The following FLYWCH1 variants were observed in gnomAD, a reference collection of about 807,000 sequenced individuals.
FLYWCH1 encodes FLYWCH-type zinc finger 1, also known as FLYWCH-type zinc finger-containing protein 1.
Under a neutral mutation model 66.4 loss-of-function variants are expected in FLYWCH1, and 75 were observed. That is an observed-to-expected ratio of 1.13 (90% CI 0.94 to 1.37). The LOEUF (loss-of-function observed/expected upper bound fraction) is 1.37, where lower values mean the gene tolerates loss of function less well. FLYWCH1 is among the 40% of genes most tolerant of loss of function. FLYWCH1 has a pLI of 0.00. For synonymous variants in FLYWCH1, 595 were observed against 429.9 expected (o/e 1.38, Z -4.75); for missense variants, 1,334 against 1,001.8 (o/e 1.33, Z -4.48).
rs1362734574 is a variant in FLYWCH1, at chr16:2,941,771, C to CCAGCA, written c.2111+1682_2111+1686dup. Among the ~76,000 whole-genome samples, 5 of 151,274 alleles carry CCAGCA rather than the reference C, an allele frequency of 3.3e-5. No homozygotes were observed. The South Asian group carries it at 8.4e-4, about 25-fold the overall frequency. On this transcript the variant is annotated intron_variant, in intron 9 of 9. Transcript: ENST00000253928. ...GGCGTGGTGGCTCACACCTGTAATC[C>CCAGCA]CAGCACACTGGGAGACCGAGGGAGG...
rs2070893824 is a variant in FLYWCH1 at position 2,934,061 on chromosome 16, C to A, written c.1513+82C>A. The stretch of plus-strand genomic sequence containing the variant: ...GCCTTTCCCTCTCCATGCTGCGGCT[C>A]CCCCTGGCAAACGTCCTCTTCCCTT... On this transcript the variant is annotated intron_variant, in intron 6 of 9. Transcript: ENST00000253928. 1.1e-5 allele frequency: 15 copies of A among 1,408,334 alleles called. 1 individual carries two copies. The South Asian group carries it at 2.0e-4, about 19-fold the overall frequency. The allele number at this position is 1,408,334 out of a possible 1,614,324, so 87.2% of individuals were successfully genotyped here. A position where few individuals can be genotyped will look rare whatever the true frequency, so the allele number is the denominator to read the frequency against.
At chr16:2,927,331 C>T (rs1017022880) in intron 2 of FLYWCH1, among the ~76,000 whole-genome samples, 12 of 152,144 alleles carry the variant, frequency 7.9e-5, no homozygotes, top group African/African-American at 2.2e-4. Context: ...CAATCGGTAC[C>T]GGCCGGGGAA....
chr16:2,932,441 G>A (rs545530869), intron 4 of FLYWCH1, among the ~76,000 whole-genome samples: 18 of 152,188 alleles, frequency 1.2e-4, no homozygotes, highest in Middle Eastern at 3.4e-3. Context: ...AACCTGGATT[G>A]TTGTGTAAAT....
chr16:2,918,147 C>CTTT (rs35609623), intron 2 of FLYWCH1, among the ~76,000 whole-genome samples: 5,682 of 103,642 alleles, frequency 0.055, 253 homozygotes, highest in Non-Finnish European at 0.08. Context: ...CCTTGGATTC[C>CTTT]TTTTTTTTTT....
Position 2,933,484 on chromosome 16 carries a change from C to G in FLYWCH1, c.1151C>G (p.Thr384Ser), listed in dbSNP as rs368898949. ...YRRGPGPLTL[T>S]RPRPRKRAKV... ...AGGGGTCCGGGTCCCCTGACTCTCA[C>G]CAGGCCTCGGCCCAGAAAGCGAGCA... Residue 384 changes from threonine (T) to serine (S), a missense_variant, in exon 5 of 10, where the codon ACC becomes AGC. Transcript: ENST00000253928. 6.2e-7 allele frequency: 1 copy of G among 1,606,860 alleles called. No individual in the cohort carries two copies. Among genetic ancestry groups the G allele is most frequent in the Non-Finnish European group, 8.5e-7 (1 of 1,177,194 alleles).
intron 9 of FLYWCH1, among the ~76,000 whole-genome samples, chr16:2,944,894 C>G (rs542538598): frequency 2.6e-5 from 4 of 151,834 alleles, no homozygotes; most frequent in Non-Finnish European, 5.9e-5. Context: ...TGGAGGTATC[C>G]AAAAGAAGGC....
At chr16:2,945,354 C>T (rs988177057) in intron 9 of FLYWCH1, among the ~76,000 whole-genome samples, 2 of 151,936 alleles carry the variant, frequency 1.3e-5, no homozygotes, top group South Asian at 2.1e-4. Flanking sequence ...GGCGTGGTGG[C>T]GTGTGCCTGT....
intron 2 of FLYWCH1, among the ~76,000 whole-genome samples, chr16:2,919,473 C>T (rs936512331): frequency 6.6e-6 from 1 of 151,890 alleles, no homozygotes; most frequent in Non-Finnish European, 1.5e-5. Flanking sequence ...ACCATGTTTG[C>T]CAGGATGGTT....
intron 4 of FLYWCH1, 117 bp from the exon 5 acceptor site, chr16:2,933,013 G>A (rs902122064): frequency 4.4e-6 from 4 of 905,496 alleles, no homozygotes; most frequent in Non-Finnish European, 6.6e-6. Flanking sequence ...AGGAAGCCAG[G>A]GTAAATTTCA....
intron 9 of FLYWCH1, 182 bp downstream of exon 9, chr16:2,940,274 C>T (rs1293247170): frequency 1.1e-5 from 6 of 531,052 alleles, no homozygotes; most frequent in Admixed American, 6.7e-5. Flanking sequence ...CATCTGAAGG[C>T]CCAAGTGAGG....
chr16:2,930,735 G>T lies in FLYWCH1; in HGVS notation c.651G>T (p.Glu217Asp). The stretch of plus-strand genomic sequence containing the variant: ...GAGGCCGAGTGGAGGAGCCCCTGGA[G>T]GGGGTGGGCCCGTGGCAGTGCCCTG... The part of the protein sequence containing the change: ...GPGGRVEEPL[E>D]GVGPWQCPEE... Residue 217 changes from glutamate to aspartate, a missense_variant, in exon 4 of 10, where the codon GAG becomes GAT. Transcript: ENST00000253928. 1 of 1,554,374 alleles carries T rather than the reference G, an allele frequency of 6.4e-7. No homozygotes were observed. Among genetic ancestry groups the T allele is most frequent in the Non-Finnish European group, 8.7e-7 (1 of 1,154,352 alleles).
intron 8 of FLYWCH1, among the ~76,000 whole-genome samples, chr16:2,939,124 T>A (rs1431411297): frequency 6.6e-6 from 1 of 152,086 alleles, no homozygotes; most frequent in African/African-American, 2.4e-5. Flanking sequence ...CATGTGAATA[T>A]TAAGGGCCAT....
chr16:2,919,923 A>T (rs1051536735), intron 2 of FLYWCH1, among the ~76,000 whole-genome samples: 5 of 152,034 alleles, frequency 3.3e-5, no homozygotes, highest in Non-Finnish European at 5.9e-5. Flanking sequence ...GCCTTATGTA[A>T]TGGTCCTTTG....
chr16:2,933,116 G>T lies in FLYWCH1; in HGVS notation c.797-14G>T. Reference sequence around the variant, plus strand: ...CCACCCCTGGTGATGTGACCACTTGGGTCTCTCCTCTAGGACAGGCCCGGC... The same window carrying T: ...CCACCCCTGGTGATGTGACCACTTGTGTCTCTCCTCTAGGACAGGCCCGGC... On this transcript the variant is annotated splice_polypyrimidine_tract_variant and intron_variant, in intron 4 of 9. Transcript: ENST00000253928. 1 of 1,607,150 alleles carries T rather than the reference G, an allele frequency of 6.2e-7. No homozygotes were observed. Among genetic ancestry groups the T allele is most frequent in the South Asian group, 1.1e-5 (1 of 89,958 alleles).
Position 2,933,550 on chromosome 16 carries a change from C to T in FLYWCH1, c.1217C>T (p.Pro406Leu). 3 of 1,605,362 alleles carry T rather than the reference C, an allele frequency of 1.9e-6. No homozygotes were observed. The South Asian group carries it at 3.3e-5, about 18-fold the overall frequency. Reference sequence around the variant, plus strand: ...GAGCTGCCAACCCAGCCCGAGGCCCCAGACGAGCACCAGGACATGGACGCA... The same window carrying T: ...GAGCTGCCAACCCAGCCCGAGGCCCTAGACGAGCACCAGGACATGGACGCA... ...DQELPTQPEA[P>L]DEHQDMDADP... The change falls in exon 5 of 10, where the codon CCA becomes CTA. Residue 406 changes from proline to leucine, a missense_variant. Coordinates refer to ENST00000253928, the MANE Select transcript of FLYWCH1 (RefSeq NM_001308068.2).
Position 2,949,866 on chromosome 16 carries a change from G to C in FLYWCH1, c.*1139G>C, listed in dbSNP as rs188371958. On this transcript the variant is annotated 3_prime_UTR_variant, in exon 10 of 10. Transcript: ENST00000253928. The stretch of plus-strand genomic sequence containing the variant: ...CCTCTTGCAGCAACAGTTGGCCGCC[G>C]TGAAACCACACTCCGTCACATCTCC... 1 of 152,140 alleles carries C rather than the reference G, an allele frequency of 6.6e-6. No homozygotes were observed. Among genetic ancestry groups the C allele is most frequent in the African/African-American group, 2.4e-5 (1 of 41,404 alleles). The allele number at this position is 152,140 out of a possible 1,614,324, so 9.4% of individuals were successfully genotyped here. A position where few individuals can be genotyped will look rare whatever the true frequency, so the allele number is the denominator to read the frequency against.
intron 2 of FLYWCH1, among the ~76,000 whole-genome samples, chr16:2,917,070 C>G (rs1027969643): frequency 6.7e-6 from 1 of 150,084 alleles, no homozygotes; most frequent in Admixed American, 6.6e-5. Context: ...GCAGGAGAAT[C>G]GCTTGAAACC....
chr16:2,917,377 C>A (rs2150888613), intron 2 of FLYWCH1, among the ~76,000 whole-genome samples: 1 of 151,148 alleles, frequency 6.6e-6, no homozygotes, highest in East Asian at 2.0e-4. Flanking sequence ...TTACAGGCGC[C>A]CACCACGACG....
intron 2 of FLYWCH1, among the ~76,000 whole-genome samples, chr16:2,927,476 C>T (rs1310937705): frequency 1.3e-5 from 2 of 152,160 alleles, no homozygotes; most frequent in African/African-American, 4.8e-5. Flanking sequence ...TATTAGATTC[C>T]ATTGCTCCAG....
Sources: gnomAD v4.1 joint callset for allele counts (sites outside exome capture counted in the v4.1 genomes callset) on GRCh38, gnomAD v4.1.1 for gene constraint, MANE v1.5 for transcripts, NCBI Gene and HGNC (gene_info 2026-07-23, HGNC 2026-07-21) for gene names.